ZNF142: variants seen among roughly 807,000 people sequenced by gnomAD.
ZNF142 encodes the protein zinc finger protein 142.
ZNF142 carries 96 observed loss-of-function variants against 132.1 expected under a neutral mutation model. The ratio of observed to expected loss-of-function variants is 0.73; its 90% CI spans 0.62 to 0.86. The LOEUF is 0.86. Among genes scored for constraint, ZNF142 ranks in the 40% least tolerant of loss-of-function variants. The pLI is 0.00. For missense variants in ZNF142, 2,163 were observed against 2,336.2 expected, an observed-to-expected ratio of 0.93 and a Z score of 1.53; for synonymous variants, 842 against 890.1, an observed-to-expected ratio of 0.95 and a Z score of 0.96.
chr2:218,647,239 C>T (rs1232350834), intron 7 of ZNF142, among the ~76,000 whole-genome samples: 5 of 151,298 alleles, frequency 3.3e-5, no homozygotes, highest in East Asian at 3.9e-4. Context: ...CTGGCTAACA[C>T]GGTGAAACCC....
chr2:218,635,488 G>A lies in ZNF142; in HGVS notation c.*2851C>T, dbSNP rs908093828. Among the ~76,000 whole-genome samples the A allele has an allele frequency of 2.0e-5, 3 of 151,998 alleles. No homozygotes were observed. The highest frequency in any genetic ancestry group is 6.6e-5 in the Admixed American group (1 of 15,238). On this transcript the variant is annotated 3_prime_UTR_variant, in exon 11 of 11. Coordinates refer to ENST00000411696, the MANE Select transcript of ZNF142 (RefSeq NM_001379659.1). Reference sequence around the variant, plus strand: ...CGAGTAGCTGGGACTACAGGCGCCCGCCACCATGCCTGGCTAATTTTTGTA... The same window carrying A: ...CGAGTAGCTGGGACTACAGGCGCCCACCACCATGCCTGGCTAATTTTTGTA...
rs780801765 is a variant in ZNF142 at position 218,643,602 on chromosome 2, G to A, written c.3514C>T (p.Pro1172Ser). 4.5e-6 allele frequency: 7 copies of A among 1,565,460 alleles called. No individual in the cohort carries two copies. Among genetic ancestry groups the A allele is most frequent in the Middle Eastern group, 1.7e-4 (1 of 5,804 alleles). ...SPVPPAGNSL[P>S]TEAPKKHCFD... ...CAGTGCTTCTTAGGGGCCTCTGTGG[G>A]CAAGGAGTTTCCTGCAGGAGGGACT... The change falls in exon 9 of 11, where the codon CCC (proline) becomes TCC (serine). Residue 1172 changes from proline to serine, a missense_variant. By Grantham distance (74) the Pro-to-Ser change is moderately conservative. This residue lies in a region of ZNF142 where 809 missense variants were observed against 801.7 expected (regional missense o/e 1.01). Coordinates refer to ENST00000411696, the MANE Select transcript of ZNF142 (RefSeq NM_001379659.1).
chr2:218,640,757 T>A lies in ZNF142; in HGVS notation c.5101A>T (p.Ile1701Phe), dbSNP rs1697115081. Residue 1701 changes from isoleucine to phenylalanine, a missense_variant, in exon 10 of 11, where the codon ATC (isoleucine) becomes TTC (phenylalanine). Ile to Phe is a conservative substitution (Grantham distance 21, BLOSUM62 0). Coordinates refer to ENST00000411696, the MANE Select transcript of ZNF142 (RefSeq NM_001379659.1). ...AGGTACTTCCGTTCCTCCTTGTGGA[T>A]CCGCATGTGGTACTGGAAGAGGCAA... ...DPSRLKYHMRIHKEERKYLCP... is the reference protein window; with the variant it reads ...DPSRLKYHMRFHKEERKYLCP... 2.5e-6 allele frequency: 4 copies of A among 1,614,174 alleles called. No individual in the cohort carries two copies. The highest frequency in any genetic ancestry group is 3.4e-6 in the Non-Finnish European group (4 of 1,180,024).
At chr2:218,648,330 G>A (rs1289440707) in intron 7 of ZNF142, among the ~76,000 whole-genome samples, 1 of 152,166 alleles carries the variant, frequency 6.6e-6, no homozygotes, top group African/African-American at 2.4e-5. Flanking sequence ...GTTTCTTCAG[G>A]CTTGGTGTTA....
chr2:218,646,827 T>A (rs1697767663), intron 7 of ZNF142, among the ~76,000 whole-genome samples: 1 of 152,132 alleles, frequency 6.6e-6, no homozygotes, highest in Non-Finnish European at 1.5e-5. Flanking sequence ...CCTTAGGTGA[T>A]CCGCCCGCCT....
chr2:218,656,521 G>T, intron 3 of ZNF142, 58 bp from the exon 4 acceptor site: 1 of 1,337,716 alleles, frequency 7.5e-7, no homozygotes, highest in Non-Finnish European at 9.8e-7. Context: ...TTTCTTCCTG[G>T]CTGGCGTGGG....
Position 218,642,497 on chromosome 2 carries a change from G to C in ZNF142, c.4619C>G (p.Pro1540Arg). The C allele has an allele frequency of 6.2e-7, 1 of 1,607,576 alleles. No individual in the cohort carries two copies. The highest frequency in any genetic ancestry group is 8.5e-7 in the Non-Finnish European group (1 of 1,176,024). Residue 1540 changes from proline to arginine, a missense_variant, in exon 9 of 11, where the codon CCT (proline) becomes CGT (arginine). Physicochemically the swap from Pro to Arg is moderately radical, Grantham distance 103. This residue lies in a region of ZNF142 where 809 missense variants were observed against 801.7 expected (regional missense o/e 1.01). Coordinates refer to ENST00000411696, the MANE Select transcript of ZNF142 (RefSeq NM_001379659.1). The surrounding 1 kb of genome is among the most constrained non-coding windows in gnomAD (Gnocchi z 4.6). ...ACGGGTGTGTCCTCGTAAGCTGGCAGGGCTGGGGCACAGCAACCCACAGCG... is the reference window on the plus strand; with the variant it reads ...ACGGGTGTGTCCTCGTAAGCTGGCACGGCTGGGGCACAGCAACCCACAGCG... ...CSRCGLLCPSPASLRGHTRKQ... is the reference protein window; with the variant it reads ...CSRCGLLCPSRASLRGHTRKQ...
rs764463054 is a variant in ZNF142, at chr2:218,650,405, G to C, written c.1002C>G (p.Asp334Glu). The change falls in exon 6 of 11, where the codon GAC becomes GAG. Residue 334 changes from aspartate to glutamate, a missense_variant. Physicochemically the swap from Asp to Glu is conservative, Grantham distance 45. Coordinates refer to ENST00000411696, the MANE Select transcript of ZNF142 (RefSeq NM_001379659.1). ...GGCCTTTATCCACAGCCTTTTGGGA[G>C]TCCTTCTGGGTGTCACTCTTCTCTT... ...EKEEKSDTQK[D>E]SQKAVDKGQG... is the part of the protein sequence containing the mutation. The C allele has an allele frequency of 4.3e-6, 7 of 1,614,206 alleles. No homozygotes were observed. The South Asian group carries it at 7.7e-5, about 18-fold the overall frequency.
Position 218,636,367 on chromosome 2 carries a change from C to G in ZNF142, c.*1972G>C. ...GAAATGACTTTATTGGTCAGTACACCCTGCCTTGGACCTGCATGCAACAAG... is the reference window on the plus strand; with the variant it reads ...GAAATGACTTTATTGGTCAGTACACGCTGCCTTGGACCTGCATGCAACAAG... On this transcript the variant is annotated 3_prime_UTR_variant, in exon 11 of 11. Coordinates refer to ENST00000411696, the MANE Select transcript of ZNF142 (RefSeq NM_001379659.1). 1 of 1,613,968 alleles carries G rather than the reference C, an allele frequency of 6.2e-7. No homozygotes were observed. Among genetic ancestry groups the G allele is most frequent in the East Asian group, 2.2e-5 (1 of 44,874 alleles).
At chr2:218,645,505 T>C (rs1697657127) in intron 8 of ZNF142, among the ~76,000 whole-genome samples, 2 of 152,176 alleles carry the variant, frequency 1.3e-5, no homozygotes, top group African/African-American at 4.8e-5. Flanking sequence ...AGCTGTGCCA[T>C]AGGTCAGAGA....
Position 218,633,794 on chromosome 2 carries a change from G to A in ZNF142, c.*4545C>T. 1 of 1,611,360 alleles carries A rather than the reference G, an allele frequency of 6.2e-7. No individual in the cohort carries two copies. The highest frequency in any genetic ancestry group is 1.1e-5 in the South Asian group (1 of 90,958). On this transcript the variant is annotated 3_prime_UTR_variant, in exon 11 of 11. Coordinates refer to ENST00000411696, the MANE Select transcript of ZNF142 (RefSeq NM_001379659.1). ...CCAAAATGGAGGGATGGGGAGGGAAGTGGGATGGATAGGTTCAGGCCTGAT... is the reference window on the plus strand; with the variant it reads ...CCAAAATGGAGGGATGGGGAGGGAAATGGGATGGATAGGTTCAGGCCTGAT...
intron 4 of ZNF142, among the ~76,000 whole-genome samples, chr2:218,653,984 G>A (rs1368436012): frequency 2.6e-5 from 4 of 151,926 alleles, no homozygotes; most frequent in Non-Finnish European, 5.9e-5. Context: ...TCCTGAGTAG[G>A]TGGGACTACA....
In ZNF142 at chr2:218,643,751, T is replaced by A; in HGVS notation, c.3365A>T (p.Glu1122Val). 1 of 1,610,582 alleles carries A rather than the reference T, an allele frequency of 6.2e-7. No individual in the cohort carries two copies. Among genetic ancestry groups the A allele is most frequent in the South Asian group, 1.1e-5 (1 of 90,644 alleles). Residue 1122 changes from glutamate to valine, a missense_variant, in exon 9 of 11, where the codon GAA (glutamate) becomes GTA (valine). Physicochemically the swap from Glu to Val is moderately radical, Grantham distance 121. This residue lies in a region of ZNF142 where 809 missense variants were observed against 801.7 expected (regional missense o/e 1.01). Transcript: ENST00000411696. Reference sequence around the variant, plus strand: ...TGATGCAGGTGGGGGCTTCCCACTTTCTGTGTCCTCTGAGGCCTGGGTACC... The same window carrying A: ...TGATGCAGGTGGGGGCTTCCCACTTACTGTGTCCTCTGAGGCCTGGGTACC... ...LPGTQASEDT[E>V]SGKPPPASQE...
chr2:218,635,735 G>A lies in ZNF142; in HGVS notation c.*2604C>T. The A allele has an allele frequency of 1.3e-6, 2 of 1,563,636 alleles. No homozygotes were observed. Among genetic ancestry groups the A allele is most frequent in the South Asian group, 2.4e-5 (2 of 85,014 alleles). ...AGCTTCTTCTCCCCTGGGGTTGGGA[G>A]TAGGGTCGGGTGGGGCTGGGCTGAG... On this transcript the variant is annotated 3_prime_UTR_variant, in exon 11 of 11. Transcript: ENST00000411696.
Position 218,652,234 on chromosome 2 carries a change from G to A in ZNF142, c.347C>T (p.Thr116Ile), listed in dbSNP as rs1481932886. The A allele has an allele frequency of 2.2e-6, 1 of 456,866 alleles. No homozygotes were observed. The highest frequency in any genetic ancestry group is 4.4e-6 in the Non-Finnish European group (1 of 227,020). 28.3% of individuals were successfully genotyped at this position (456,866 alleles called of 1,614,324 possible). The change falls in exon 5 of 11, where the codon ACT becomes ATT. Residue 116 changes from threonine to isoleucine, a missense_variant. Transcript: ENST00000411696. ...ACTGCACTGGTGCAGGGCCAGCAGAGTGGGCTCTGCGAAGCTCTGTTCACA... is the reference window on the plus strand; with the variant it reads ...ACTGCACTGGTGCAGGGCCAGCAGAATGGGCTCTGCGAAGCTCTGTTCACA... ...ERCEQSFAEP[T>I]LLALHQCSET...
Position 218,642,562 on chromosome 2 carries a change from G to C in ZNF142, c.4554C>G (p.Gly1518=), listed in dbSNP as rs369542054. The C allele has an allele frequency of 1.0e-4, 167 of 1,613,094 alleles. 1 individual carries two copies. The highest frequency in any genetic ancestry group is 1.4e-4 in the Non-Finnish European group (166 of 1,179,652). ...RHPEPAQPAP[G]SPAETTEGPL... is the part of the protein sequence containing the mutation. Reference sequence around the variant, plus strand: ...GGCCCTCAGTGGTCTCTGCAGGAGAGCCAGGGGCAGGCTGTGCAGGCTCGG... The same window carrying C: ...GGCCCTCAGTGGTCTCTGCAGGAGACCCAGGGGCAGGCTGTGCAGGCTCGG... Residue 1518 remains glycine (G), a synonymous_variant, in exon 9 of 11, where the codon GGC becomes GGG. Coordinates refer to ENST00000411696, the MANE Select transcript of ZNF142 (RefSeq NM_001379659.1). This position sits in a 1 kb window ranked among gnomAD's most constrained non-coding sequence, Gnocchi z 4.6.
intron 10 of ZNF142, 56 bp downstream of exon 10, chr2:218,640,607 TA>T: frequency 6.5e-7 from 1 of 1,527,058 alleles, no homozygotes; most frequent in African/African-American, 1.4e-5. Flanking sequence ...TTGGTAAGGT[TA>T]GGTTTGCCAG....
Position 218,649,142 on chromosome 2 carries a change from G to A in ZNF142, c.1366C>T (p.Pro456Ser). ...AGGCGGAATTCCTCACGGCAGACAGGACAGGCATAGGTGTCTGAGTAGAAG... is the reference window on the plus strand; with the variant it reads ...AGGCGGAATTCCTCACGGCAGACAGAACAGGCATAGGTGTCTGAGTAGAAG... ...SNFYSDTYAC[P>S]VCREEFRLSQ... is the part of the protein sequence containing the mutation. The change falls in exon 7 of 11, where the codon CCT becomes TCT. Residue 456 changes from proline (P) to serine (S), a missense_variant. Pro to Ser is a moderately conservative substitution (Grantham distance 74). Coordinates refer to ENST00000411696, the MANE Select transcript of ZNF142 (RefSeq NM_001379659.1). The A allele has an allele frequency of 6.2e-7, 1 of 1,614,152 alleles. No individual in the cohort carries two copies. The highest frequency in any genetic ancestry group is 8.5e-7 in the Non-Finnish European group (1 of 1,180,034).
Position 218,646,155 on chromosome 2 carries a change from T to A in ZNF142, c.2051+16A>T. ...GATTCTTGGGATTGGGACGGAGGCCTATGTGTGTGTTGTACCTGAGGTCCC... is the reference window on the plus strand; with the variant it reads ...GATTCTTGGGATTGGGACGGAGGCCAATGTGTGTGTTGTACCTGAGGTCCC... On this transcript the variant is annotated intron_variant, in intron 8 of 10. Transcript: ENST00000411696. 1 of 1,610,472 alleles carries A rather than the reference T, an allele frequency of 6.2e-7. No individual in the cohort carries two copies. The highest frequency in any genetic ancestry group is 8.5e-7 in the Non-Finnish European group (1 of 1,178,308).
Sources: gnomAD v4.1 joint callset for allele counts (sites outside exome capture counted in the v4.1 genomes callset) on GRCh38, gnomAD v4.1.1 for gene constraint, gnomAD v4.1.1 regional missense constraint, Gnocchi (gnomAD v3.1) non-coding constraint, MANE v1.5 for transcripts, NCBI Gene and HGNC (gene_info 2026-07-23, HGNC 2026-07-21) for gene names.